BRD4: variants seen among roughly 807,000 people sequenced by gnomAD.
The protein encoded by BRD4 is bromodomain containing 4.
BRD4 carries 16 observed loss-of-function variants against 142.1 expected under a neutral mutation model. The ratio of observed to expected loss-of-function variants is 0.11; its 90% CI spans 0.08 to 0.17. The LOEUF (loss-of-function observed/expected upper bound fraction) is 0.17, where lower values mean the gene tolerates loss of function less well. Among genes scored for constraint, BRD4 ranks in the 10% least tolerant of loss-of-function variants. The pLI is 1.00. For synonymous variants in BRD4, 833 were observed against 707.5 expected (o/e 1.18, Z -2.82); for missense variants, 1,424 against 1,810.9 (o/e 0.79, Z 3.88).
intron 3 of BRD4, among the ~76,000 whole-genome samples, chr19:15,268,500 T>G (rs533987613): frequency 4.5e-4 from 14 of 31,118 alleles, no homozygotes; most frequent in African/African-American, 1.5e-3. Flanking sequence ...TGGAGGTCTC[T>G]GTTTGGGCAC....
chr19:15,241,985 G>T (rs1374668822), intron 14 of BRD4, among the ~76,000 whole-genome samples: 3 of 151,982 alleles, frequency 2.0e-5, no homozygotes, highest in African/African-American at 7.3e-5. Flanking sequence ...GATAATTTTT[G>T]TATTTTTAGT....
intron 1 of BRD4, among the ~76,000 whole-genome samples, chr19:15,288,216 C>G (rs1398534976): frequency 6.6e-6 from 1 of 152,140 alleles, no homozygotes; most frequent in Non-Finnish European, 1.5e-5. Flanking sequence ...ATGTTTCAGT[C>G]CCTGCTTTCA....
intron 6 of BRD4, 21 bp from the exon 7 acceptor site, chr19:15,263,569 C>G: frequency 6.2e-7 from 1 of 1,613,076 alleles, no homozygotes; most frequent in Non-Finnish European, 8.5e-7. Flanking sequence ...AGACAAGTCC[C>G]TGTTAGCTGT....
At position 15,237,164 on chromosome 19, in the gene BRD4, C is replaced by A. The variant is rs1421647472; in HGVS notation, c.*1213G>T. 6.0e-6 allele frequency: 1 copy of A among 167,344 alleles called. No individual in the cohort carries two copies. Among genetic ancestry groups the A allele is most frequent in the Non-Finnish European group, 1.2e-5 (1 of 85,810 alleles). 10.4% of individuals were successfully genotyped at this position (167,344 alleles called of 1,614,324 possible). ...TGGCCCTTCCTTTCTCAGTAAAAAA[C>A]AAAAACAAAAACAAAAACCAAAACC... On this transcript the variant is annotated 3_prime_UTR_variant, in exon 20 of 20. Transcript: ENST00000679869.
At chr19:15,265,718 C>A in intron 4 of BRD4, 75 bp from the exon 5 acceptor site, 1 of 1,462,760 alleles carries the variant, frequency 6.8e-7, no homozygotes, top group Admixed American at 1.7e-5. Flanking sequence ...TGGGGACATA[C>A]ACCACACACA....
In BRD4 at chr19:15,241,929, C is replaced by T. The variant is rs1326562639; in HGVS notation, c.3169+971G>A. Reference sequence around the variant, plus strand: ...CCAGACTCAAGCGATTCTCCCGCCTCAGCCTCCCAAGTGGCTGGGATTACA... The same window carrying T: ...CCAGACTCAAGCGATTCTCCCGCCTTAGCCTCCCAAGTGGCTGGGATTACA... On this transcript the variant is annotated intron_variant, in intron 14 of 19. Transcript: ENST00000679869. Among the ~76,000 whole-genome samples, 247 of 151,904 alleles carry T rather than the reference C, an allele frequency of 1.6e-3. 7 individuals are homozygous for T. The East Asian group carries it at 0.045, about 27-fold the overall frequency.
intron 1 of BRD4, among the ~76,000 whole-genome samples, chr19:15,324,044 G>C (rs561469723): frequency 6.6e-6 from 1 of 152,168 alleles, no homozygotes; most frequent in African/African-American, 2.4e-5. Flanking sequence ...AAGGCCAGAA[G>C]GGGGTGGGGC....
At chr19:15,304,860 C>G in intron 1 of BRD4, among the ~76,000 whole-genome samples, 1 of 152,004 alleles carries the variant, frequency 6.6e-6, no homozygotes, top group East Asian at 1.9e-4. Context: ...ACCTTATACC[C>G]CCAAAAAATC....
intron 1 of BRD4, among the ~76,000 whole-genome samples, chr19:15,324,351 A>G (rs1426928477): frequency 1.3e-5 from 2 of 152,256 alleles, no homozygotes; most frequent in African/African-American, 2.4e-5. Context: ...ATATCTTTCA[A>G]TTGCATTTCA....
At chr19:15,295,098 A>G (rs2047812892) in intron 1 of BRD4, among the ~76,000 whole-genome samples, 1 of 152,246 alleles carries the variant, frequency 6.6e-6, no homozygotes, top group Non-Finnish European at 1.5e-5. Context: ...ATATTGTTGA[A>G]GTTGAACCTC....
chr19:15,316,056 C>A (rs578245258), intron 1 of BRD4, among the ~76,000 whole-genome samples: 12 of 141,354 alleles, frequency 8.5e-5, no homozygotes, highest in African/African-American at 2.7e-4. Flanking sequence ...CTTGGGAGGC[C>A]GAGGCAGAAG....
At chr19:15,315,941 G>A (rs1419570948) in intron 1 of BRD4, among the ~76,000 whole-genome samples, 1 of 150,798 alleles carries the variant, frequency 6.6e-6, no homozygotes, top group African/African-American at 2.4e-5. Context: ...GGATCACGAG[G>A]TCAGGAGATC....
At position 15,244,328 on chromosome 19, in the gene BRD4, C is replaced by T. The variant is rs2145515727; in HGVS notation, c.2484G>A (p.Leu828=). 6.3e-7 allele frequency: 1 copy of T among 1,599,500 alleles called. No individual in the cohort carries two copies. Among genetic ancestry groups the T allele is most frequent in the Middle Eastern group, 1.8e-4 (1 of 5,526 alleles). The change falls in exon 13 of 20, where the codon CTG becomes CTA. Residue 828 remains leucine (L), a synonymous_variant. Coordinates refer to ENST00000679869, the MANE Select transcript of BRD4 (RefSeq NM_001379291.1). ...GGGGCAGCTCAGGCTGCGGCAGGTG[C>T]AGGATGGGCTGGGTGAAGTGGCCGA... ...DPIGHFTQPI[L]HLPQPELPPH...
intron 13 of BRD4, 118 bp downstream of exon 13, chr19:15,244,113 C>T: frequency 6.6e-7 from 1 of 1,521,008 alleles, no homozygotes; most frequent in Non-Finnish European, 8.8e-7. Flanking sequence ...CAGATCTTCC[C>T]TCTAGAGACC....
At chr19:15,317,737 AGACT>A (rs2048028965) in intron 1 of BRD4, among the ~76,000 whole-genome samples, 1 of 152,320 alleles carries the variant, frequency 6.6e-6, no homozygotes, top group South Asian at 2.1e-4. Flanking sequence ...ACAGGCCTAA[AGACT>A]GAGGATAAGC....
intron 10 of BRD4, 102 bp from the exon 11 acceptor site, chr19:15,254,364 G>C: frequency 2.9e-6 from 3 of 1,029,670 alleles, no homozygotes; most frequent in Non-Finnish European, 4.5e-6. Context: ...GACCAGTGAG[G>C]AGCCTGTGCA....
chr19:15,302,443 G>A (rs542181615), intron 1 of BRD4, among the ~76,000 whole-genome samples: 4 of 151,528 alleles, frequency 2.6e-5, no homozygotes, highest in East Asian at 2.0e-4. Flanking sequence ...GGCCACGCAC[G>A]GTGGCTCACG....
intron 1 of BRD4, among the ~76,000 whole-genome samples, chr19:15,295,203 C>T (rs1193652766): frequency 6.6e-6 from 1 of 152,174 alleles, no homozygotes; most frequent in African/African-American, 2.4e-5. Context: ...TCTATGCATA[C>T]TGTATCCCTA....
intron 1 of BRD4, among the ~76,000 whole-genome samples, chr19:15,301,144 A>G (rs2047863917): frequency 6.6e-6 from 1 of 152,240 alleles, no homozygotes; most frequent in Non-Finnish European, 1.5e-5. Context: ...AGATGACTCT[A>G]ATAAACTATG....
Sources: allele counts gnomAD v4.1 joint callset (sites outside exome capture counted in the v4.1 genomes callset), GRCh38; gene constraint gnomAD v4.1.1; transcripts MANE v1.5; gene names NCBI Gene and HGNC (gene_info 2026-07-23, HGNC 2026-07-21).